SPAG17: variants seen among roughly 807,000 people sequenced by gnomAD.
SPAG17 encodes the protein sperm-associated antigen 17.
Under a neutral mutation model 273.6 loss-of-function variants are expected in SPAG17, and 169 were observed. That is an observed-to-expected ratio of 0.62 (90% CI 0.55 to 0.70). The LOEUF (loss-of-function observed/expected upper bound fraction) is 0.70, where lower values mean the gene tolerates loss of function less well. Among genes scored for constraint, SPAG17 ranks in the 30% least tolerant of loss-of-function variants. The pLI is 0.00. For synonymous variants in SPAG17, 825 were observed against 873.2 expected, an observed-to-expected ratio of 0.94 and a Z score of 0.97; for missense variants, 2,557 against 2,627.8, an observed-to-expected ratio of 0.97 and a Z score of 0.59.
chr1:118,008,223 G>T, intron 30 of SPAG17, 25 bp from the exon 31 acceptor site: 5 of 1,611,944 alleles, frequency 3.1e-6, no homozygotes, highest in Non-Finnish European at 4.2e-6. Flanking sequence ...AAGGTAAGCA[G>T]ATCTGATAGG....
At chr1:118,136,786 A>AGTGTGTGTGTGT (rs1189168115) in intron 3 of SPAG17, among the ~76,000 whole-genome samples, 7 of 126,460 alleles carry the variant, frequency 5.5e-5, no homozygotes, top group South Asian at 2.9e-4. Context: ...AAAGGGGTAA[A>AGTGTGTGTGTGT]GTGTGTGTGT....
At chr1:118,118,010 AT>A (rs1657193185) in intron 3 of SPAG17, among the ~76,000 whole-genome samples, 1 of 152,234 alleles carries the variant, frequency 6.6e-6, no homozygotes, top group African/African-American at 2.4e-5. Context: ...TTACAAATTA[AT>A]TTCATTTCAA....
chr1:118,012,127 T>C, intron 30 of SPAG17, 101 bp downstream of exon 30: 1 of 1,207,000 alleles, frequency 8.3e-7, no homozygotes, highest in South Asian at 1.8e-5. Flanking sequence ...TACCAAAAAA[T>C]TATTTTTCTT....
chr1:118,048,745 A>C (rs1396040403), intron 20 of SPAG17, among the ~76,000 whole-genome samples: 3 of 151,906 alleles, frequency 2.0e-5, no homozygotes, highest in African/African-American at 7.3e-5. Flanking sequence ...AAAATACAAA[A>C]ATTTGCCAGG....
intron 40 of SPAG17, among the ~76,000 whole-genome samples, chr1:117,985,172 C>CA (rs1255125967): frequency 6.6e-6 from 1 of 152,068 alleles, no homozygotes; most frequent in Admixed American, 6.5e-5. Context: ...GCAGTAGTAA[C>CA]AAAAAAACCC....
intron 1 of SPAG17, among the ~76,000 whole-genome samples, chr1:118,161,268 G>A (rs532779514): frequency 1.4e-4 from 22 of 152,310 alleles, no homozygotes; most frequent in Non-Finnish European, 4.4e-5. Flanking sequence ...CAGTAATCCT[G>A]ACTTCTCCAG....
At chr1:118,033,080 C>T (rs1648666441) in intron 24 of SPAG17, among the ~76,000 whole-genome samples, 1 of 152,164 alleles carries the variant, frequency 6.6e-6, no homozygotes, top group South Asian at 2.1e-4. Context: ...TGATGCACAG[C>T]CAGGGCTGAG....
At position 118,163,315 on chromosome 1, in the gene SPAG17, C is replaced by T. The variant is rs78825653; in HGVS notation, c.88-11946G>A. ...TCCCTGTGTCTTAGGAAAAGCCTCA[C>T]GAGCAGAGGTCACTTGAAGAATTAG... On this transcript the variant is annotated intron_variant, in intron 1 of 48. Coordinates refer to ENST00000336338, the MANE Select transcript of SPAG17 (RefSeq NM_206996.4). Among the ~76,000 whole-genome samples the T allele has an allele frequency of 1.4e-3, 206 of 152,240 alleles. 1 individual carries two copies. Among genetic ancestry groups the T allele is most frequent in the African/African-American group, 4.7e-3 (196 of 41,542 alleles).
chr1:117,971,582 C>T (rs1466418659), intron 45 of SPAG17, among the ~76,000 whole-genome samples: 5 of 152,004 alleles, frequency 3.3e-5, no homozygotes, highest in Non-Finnish European at 7.4e-5. Flanking sequence ...TTTTTTTCCA[C>T]TAGTAGAAAT....
At chr1:118,070,723 A>G (rs1480593392) in intron 17 of SPAG17, among the ~76,000 whole-genome samples, 1 of 152,268 alleles carries the variant, frequency 6.6e-6, no homozygotes, top group Non-Finnish European at 1.5e-5. Flanking sequence ...AACCTGATAG[A>G]TAAAAATTCT....
At chr1:118,077,603 C>T (rs1389283480) in intron 15 of SPAG17, among the ~76,000 whole-genome samples, 7 of 152,058 alleles carry the variant, frequency 4.6e-5, no homozygotes, top group Admixed American at 3.9e-4. Flanking sequence ...CTTATTCTGA[C>T]TCTATATTAA....
chr1:118,080,063 G>A (rs1654416897), intron 15 of SPAG17, among the ~76,000 whole-genome samples: 1 of 152,130 alleles, frequency 6.6e-6, no homozygotes, highest in African/African-American at 2.4e-5. Context: ...CGAGAGTGTA[G>A]ATTAATTTTT....
chr1:118,086,382 C>T (rs1654997578), intron 12 of SPAG17, among the ~76,000 whole-genome samples: 1 of 152,120 alleles, frequency 6.6e-6, no homozygotes, highest in Non-Finnish European at 1.5e-5. Context: ...TTCATAGCAG[C>T]AGATATTTGA....
At chr1:117,960,843 G>T (rs372438835) in intron 48 of SPAG17, 2 of 152,196 alleles carry the variant, frequency 1.3e-5, no homozygotes, top group Non-Finnish European at 2.9e-5. Context: ...ATAGATTTGC[G>T]TGTATTTTAT....
intron 30 of SPAG17, among the ~76,000 whole-genome samples, chr1:118,011,461 T>A (rs894829767): frequency 1.3e-5 from 2 of 152,012 alleles, no homozygotes; most frequent in African/African-American, 4.8e-5. Context: ...CTTAGCAAAC[T>A]AACACAGGAA....
At chr1:118,165,382 C>T (rs916614450) in intron 1 of SPAG17, among the ~76,000 whole-genome samples, 1 of 152,064 alleles carries the variant, frequency 6.6e-6, no homozygotes, top group African/African-American at 2.4e-5. Context: ...GTTAAACCTC[C>T]ACTCTTAACC....
chr1:118,185,149 G>C lies in SPAG17; in HGVS notation c.9C>G (p.Pro3=), dbSNP rs747922249. The C allele has an allele frequency of 2.0e-5, 33 of 1,613,662 alleles. No individual in the cohort carries two copies. In the Admixed American group the frequency reaches 5.2e-4, roughly 25 times the overall value. The change falls in exon 1 of 49, where the codon CCC becomes CCG. Residue 3 remains proline, a synonymous_variant. Transcript: ENST00000336338. The part of the protein sequence containing the change: MA[P]KKEKGGTVNT... Reference sequence around the variant, plus strand: ...TCACAGTTCCTCCTTTCTCCTTCTTGGGTGCCATGCAAAGGACGGGAGAAG... The same window carrying C: ...TCACAGTTCCTCCTTTCTCCTTCTTCGGTGCCATGCAAAGGACGGGAGAAG...
chr1:118,000,503 C>A lies in SPAG17; in HGVS notation c.4777-3760G>T, dbSNP rs182085295. 2.6e-5 allele frequency among the ~76,000 whole-genome samples: 4 copies of A among 152,246 alleles called. No homozygotes were observed. In the East Asian group the frequency reaches 7.7e-4, roughly 29 times the overall value. On this transcript the variant is annotated intron_variant, in intron 32 of 48. Coordinates refer to ENST00000336338, the MANE Select transcript of SPAG17 (RefSeq NM_206996.4). ...TTATGTCCTTTTCTATTTAGTTGAG[C>A]AGTGGTTTGTAGTTCTCCTTGAAGA...
At chr1:118,059,055 T>A (rs1652001183) in intron 18 of SPAG17, among the ~76,000 whole-genome samples, 1 of 152,156 alleles carries the variant, frequency 6.6e-6, no homozygotes, top group Non-Finnish European at 1.5e-5. Flanking sequence ...TTTATGCCAA[T>A]AGACTGGAAA....
Sources: allele counts gnomAD v4.1 joint callset (sites outside exome capture counted in the v4.1 genomes callset), GRCh38; gene constraint gnomAD v4.1.1; transcripts MANE v1.5; gene names NCBI Gene and HGNC (gene_info 2026-07-23, HGNC 2026-07-21).